The following MYO5B variants were observed in gnomAD, a reference collection of about 807,000 sequenced individuals.
MYO5B encodes the protein myosin VB, also known as unconventional myosin-Vb.
Under a neutral mutation model 229.3 loss-of-function variants are expected in MYO5B, and 143 were observed. The observed-to-expected ratio is 0.62, with a 90% CI of 0.54 to 0.72. The LOEUF (loss-of-function observed/expected upper bound fraction) is 0.72, where lower values mean the gene tolerates loss of function less well. Among genes scored for constraint, MYO5B ranks in the 30% least tolerant of loss-of-function variants. MYO5B has a pLI of 0.00. For missense variants in MYO5B, 2,321 were observed against 2,331.0 expected (o/e 1.00, Z 0.09); for synonymous variants, 918 against 885.2 (o/e 1.04, Z -0.66).
At chr18:50,040,004 C>G in intron 3 of MYO5B, 139 bp downstream of exon 3, 1 of 978,480 alleles carries the variant, frequency 1.0e-6, no homozygotes, top group Non-Finnish European at 1.6e-6. Flanking sequence ...TCACTGATTG[C>G]AAACCTTTCA....
intron 1 of MYO5B, among the ~76,000 whole-genome samples, chr18:50,183,229 C>T (rs2033097671): frequency 6.6e-6 from 1 of 150,732 alleles, no homozygotes; most frequent in Non-Finnish European, 1.5e-5. Flanking sequence ...ATGCTGCTCC[C>T]CTGCCACTCC....
chr18:49,922,836 T>A (rs1299773023), intron 17 of MYO5B, among the ~76,000 whole-genome samples: 1 of 151,870 alleles, frequency 6.6e-6, no homozygotes, highest in Non-Finnish European at 1.5e-5. Flanking sequence ...TCCAAAACAA[T>A]CAGAATAGCA....
chr18:49,895,061 C>T lies in MYO5B; in HGVS notation c.2925G>A (p.Glu975=), dbSNP rs751100937. 1.2e-6 allele frequency: 2 copies of T among 1,614,156 alleles called. No individual in the cohort carries two copies. The highest frequency in any genetic ancestry group is 8.5e-7 in the Non-Finnish European group (1 of 1,180,036). ...ELVHYQQSPG[E]DTSLRLQEEV... ...CCTCCTGCAGCCTGAGGCTGGTGTC[C>T]TCACCTGGGCTCTGCTGGTAGTGCA... The change falls in exon 22 of 40, where the codon GAG becomes GAA. Residue 975 remains glutamate, a synonymous_variant. Coordinates refer to ENST00000285039, the MANE Select transcript of MYO5B (RefSeq NM_001080467.3).
chr18:50,109,704 G>C (rs1053096948), intron 1 of MYO5B, among the ~76,000 whole-genome samples: 1 of 152,186 alleles, frequency 6.6e-6, no homozygotes, highest in Admixed American at 6.5e-5. Flanking sequence ...GGGATTACAG[G>C]CATGAGCCAC....
intron 10 of MYO5B, among the ~76,000 whole-genome samples, chr18:49,963,972 G>A (rs1309938263): frequency 6.6e-6 from 1 of 152,066 alleles, no homozygotes; most frequent in Non-Finnish European, 1.5e-5. Context: ...ATTAACACAG[G>A]TGCCCATGAG....
chr18:49,925,467 C>A (rs1435241946), intron 17 of MYO5B, among the ~76,000 whole-genome samples: 1 of 152,340 alleles, frequency 6.6e-6, no homozygotes, highest in East Asian at 1.9e-4. Flanking sequence ...CTGAGGGCTG[C>A]GTCATGGGCC....
Position 49,872,235 on chromosome 18 carries a change from G to A in MYO5B, c.3538-3C>T, listed in dbSNP as rs371606093. On this transcript the variant is annotated splice_polypyrimidine_tract_variant and splice_region_variant and intron_variant, in intron 26 of 39. Coordinates refer to ENST00000285039, the MANE Select transcript of MYO5B (RefSeq NM_001080467.3). ...ATGTCAGTCTGTGGTGGTTCCGCCT[G>A]CATGGATAGAGACACAAAGATAAGT... 4 of 1,613,860 alleles carry A rather than the reference G, an allele frequency of 2.5e-6. No individual in the cohort carries two copies. The highest frequency in any genetic ancestry group is 3.4e-6 in the Non-Finnish European group (4 of 1,179,864).
chr18:49,940,678 C>T (rs1257398449), intron 14 of MYO5B, among the ~76,000 whole-genome samples: 1 of 152,174 alleles, frequency 6.6e-6, no homozygotes, highest in Non-Finnish European at 1.5e-5. Flanking sequence ...ACCCATATCA[C>T]TTCTAGGCCT....
At chr18:49,984,503 A>T (rs2025850079) in intron 8 of MYO5B, among the ~76,000 whole-genome samples, 1 of 152,154 alleles carries the variant, frequency 6.6e-6, no homozygotes, top group South Asian at 2.1e-4. Flanking sequence ...TCATAACCTT[A>T]TTTTTTAAAA....
rs142317387 is a variant in MYO5B at position 49,928,125 on chromosome 18, A to G, written c.2090+1387T>C. Among the ~76,000 whole-genome samples, 953 of 152,274 alleles carry G rather than the reference A, an allele frequency of 6.3e-3. 8 individuals carry two copies. The highest frequency in any genetic ancestry group is 0.013 in the South Asian group (62 of 4,808). On this transcript the variant is annotated intron_variant, in intron 17 of 39. Transcript: ENST00000285039. ...GAAGATATACAAATGGCCAACAAAC[A>G]TGTGAAAAAATGCTCAACATCACTA... is the stretch of plus-strand genomic sequence containing the variant.
chr18:50,175,801 A>T (rs1363881033), intron 1 of MYO5B, among the ~76,000 whole-genome samples: 1 of 152,264 alleles, frequency 6.6e-6, no homozygotes, highest in African/African-American at 2.4e-5. Flanking sequence ...GCAGAGATGA[A>T]GACCTCACTT....
intron 1 of MYO5B, among the ~76,000 whole-genome samples, chr18:50,076,392 G>A (rs1285038728): frequency 6.6e-6 from 1 of 152,184 alleles, no homozygotes; most frequent in Non-Finnish European, 1.5e-5. Flanking sequence ...CACATGACTT[G>A]CCTCAGTAGC....
Position 50,001,238 on chromosome 18 carries a change from C to G in MYO5B, c.612+17G>C. ...GGAGCTCCAGCCAGGAAGGCCAGGA[C>G]ACCTAGAAGGCTTTACCTCCATGAT... On this transcript the variant is annotated intron_variant, in intron 5 of 39. Coordinates refer to ENST00000285039, the MANE Select transcript of MYO5B (RefSeq NM_001080467.3). 2 of 1,614,132 alleles carry G rather than the reference C, an allele frequency of 1.2e-6. No homozygotes were observed. Among genetic ancestry groups the G allele is most frequent in the Non-Finnish European group, 1.7e-6 (2 of 1,179,980 alleles).
intron 1 of MYO5B, 85 bp from the exon 2 acceptor site, chr18:50,055,463 T>C (rs1598986386): frequency 1.8e-6 from 2 of 1,081,922 alleles, no homozygotes; most frequent in East Asian, 4.8e-5. Flanking sequence ...AAAGTGCCCA[T>C]CAGGAGAACT....
At chr18:50,185,206 AC>A (rs1204615850) in intron 1 of MYO5B, among the ~76,000 whole-genome samples, 3 of 152,128 alleles carry the variant, frequency 2.0e-5, no homozygotes, top group Non-Finnish European at 4.4e-5. Flanking sequence ...TGTAGAGCCT[AC>A]CAAGCATGTG....
intron 7 of MYO5B, among the ~76,000 whole-genome samples, chr18:49,988,748 G>T (rs995113551): frequency 6.6e-6 from 1 of 152,224 alleles, no homozygotes; most frequent in Non-Finnish European, 1.5e-5. Flanking sequence ...GGCCCCTAAT[G>T]TGGAGGCATA....
chr18:49,851,440 C>G (rs1480730570), intron 31 of MYO5B, among the ~76,000 whole-genome samples: 1 of 152,184 alleles, frequency 6.6e-6, no homozygotes, highest in Non-Finnish European at 1.5e-5. Flanking sequence ...ACCTGGGAAT[C>G]TTTAAAGCTT....
At chr18:50,034,896 T>G (rs548568824) in intron 4 of MYO5B, among the ~76,000 whole-genome samples, 2 of 152,050 alleles carry the variant, frequency 1.3e-5, no homozygotes, top group Non-Finnish European at 2.9e-5. Context: ...GTAAAACAAG[T>G]ATAAACCTTA....
chr18:49,954,042 G>A (rs1031889825), intron 13 of MYO5B, among the ~76,000 whole-genome samples: 1 of 148,708 alleles, frequency 6.7e-6, no homozygotes, highest in Non-Finnish European at 1.5e-5. Flanking sequence ...GTGTGTGTGT[G>A]TGTGTGTGTG....
Sources: allele counts gnomAD v4.1 joint callset (sites outside exome capture counted in the v4.1 genomes callset), GRCh38; gene constraint gnomAD v4.1.1; transcripts MANE v1.5; gene names NCBI Gene and HGNC (gene_info 2026-07-23, HGNC 2026-07-21).